The following PRKG1 variants were observed in gnomAD, a reference collection of about 807,000 sequenced individuals.
PRKG1 encodes protein kinase cGMP-dependent 1, also known as cGMP-dependent protein kinase 1.
PRKG1 carries 35 observed loss-of-function variants against 88.1 expected under a neutral mutation model. That is an observed-to-expected ratio of 0.40 (90% CI 0.30 to 0.53). The LOEUF (loss-of-function observed/expected upper bound fraction) is 0.53, where lower values mean the gene tolerates loss of function less well. PRKG1 is among the 20% of genes least tolerant of loss of function. PRKG1 has a pLI of 0.59. For missense variants in PRKG1, 540 were observed against 839.8 expected (o/e 0.64, Z 4.41); for synonymous variants, 303 against 292.5 (o/e 1.04, Z -0.37).
chr10:52,274,657 T>C (rs1841824233), intron 12 of PRKG1, among the ~76,000 whole-genome samples: 1 of 152,042 alleles, frequency 6.6e-6, no homozygotes, highest in African/African-American at 2.4e-5. Context: ...TGAATTGTGC[T>C]TCTATAAACA....
At chr10:51,094,650 A>G (rs1455108255) in intron 1 of PRKG1, among the ~76,000 whole-genome samples, 1 of 152,052 alleles carries the variant, frequency 6.6e-6, no homozygotes, top group Non-Finnish European at 1.5e-5. Context: ...AAAAAAACGT[A>G]TCTACATTTC....
intron 2 of PRKG1, among the ~76,000 whole-genome samples, chr10:51,180,942 G>A (rs908782182): frequency 2.0e-5 from 3 of 152,086 alleles, no homozygotes; most frequent in African/African-American, 7.2e-5. Flanking sequence ...TTAGGGCTCT[G>A]ATCTCTTTGA....
intron 2 of PRKG1, among the ~76,000 whole-genome samples, chr10:51,219,124 T>C (rs1838455235): frequency 6.6e-6 from 1 of 152,220 alleles, no homozygotes; most frequent in African/African-American, 2.4e-5. Context: ...ATGAGTAGTA[T>C]CAGCTGATAA....
chr10:51,330,163 T>A (rs1350872397), intron 2 of PRKG1, among the ~76,000 whole-genome samples: 3 of 149,546 alleles, frequency 2.0e-5, no homozygotes, highest in East Asian at 3.9e-4. Context: ...TTTATTTTTT[T>A]TTTTTGAGAT....
chr10:51,657,621 G>A, intron 3 of PRKG1, among the ~76,000 whole-genome samples: 1 of 152,124 alleles, frequency 6.6e-6, no homozygotes, highest in East Asian at 1.9e-4. Context: ...ATTTAAATAT[G>A]CCTTTCTTTC....
At chr10:51,963,872 C>T (rs1345322372) in intron 5 of PRKG1, among the ~76,000 whole-genome samples, 1 of 152,162 alleles carries the variant, frequency 6.6e-6, no homozygotes, top group Non-Finnish European at 1.5e-5. Context: ...GTCAGTATCA[C>T]TAGATGCTGT....
At chr10:51,648,405 G>A (rs1839964352) in intron 3 of PRKG1, among the ~76,000 whole-genome samples, 1 of 152,102 alleles carries the variant, frequency 6.6e-6, no homozygotes, top group Non-Finnish European at 1.5e-5. Flanking sequence ...TATATTGCCT[G>A]CACTGGTTGA....
rs1221377470 is a variant in PRKG1 at position 51,651,593 on chromosome 10, T to TG, written c.593-152992_593-152991insG. On this transcript the variant is annotated intron_variant, in intron 3 of 17. Transcript: ENST00000373980. The stretch of plus-strand genomic sequence containing the variant: ...AATTTTACAGATCTTACTTTTTTTT[T>TG]TTTTTAATTTAGTCAGAGTTTTGCT... 3.3e-5 allele frequency among the ~76,000 whole-genome samples: 5 copies of TG among 151,902 alleles called. No individual in the cohort carries two copies. The East Asian group carries it at 9.7e-4, about 29-fold the overall frequency.
intron 2 of PRKG1, among the ~76,000 whole-genome samples, chr10:51,180,606 T>C (rs1837317459): frequency 1.3e-5 from 2 of 152,226 alleles, no homozygotes; most frequent in South Asian, 4.1e-4. Flanking sequence ...TAAACAGTGA[T>C]CTAAGCCAAA....
At chr10:51,889,815 T>A (rs1367370893) in intron 4 of PRKG1, among the ~76,000 whole-genome samples, 1 of 152,258 alleles carries the variant, frequency 6.6e-6, no homozygotes, top group Non-Finnish European at 1.5e-5. Context: ...CCAATGATGA[T>A]GAGCATTTTT....
intron 2 of PRKG1, among the ~76,000 whole-genome samples, chr10:51,405,148 C>T (rs1837873761): frequency 6.6e-6 from 1 of 152,168 alleles, no homozygotes; most frequent in South Asian, 2.1e-4. Context: ...TTTTGTGCCA[C>T]TCATCCATCA....
intron 5 of PRKG1, among the ~76,000 whole-genome samples, chr10:51,935,974 A>G (rs545069924): frequency 1.3e-5 from 2 of 152,016 alleles, no homozygotes; most frequent in East Asian, 3.9e-4. Flanking sequence ...CCCTCCTATA[A>G]TCTCTAACTC....
chr10:52,003,235 T>C (rs891972684), intron 5 of PRKG1, among the ~76,000 whole-genome samples: 1 of 152,364 alleles, frequency 6.6e-6, no homozygotes, highest in East Asian at 1.9e-4. Flanking sequence ...TGAATTAACC[T>C]TGTTGAAATA....
chr10:51,218,696 C>T (rs937836148), intron 2 of PRKG1, among the ~76,000 whole-genome samples: 6 of 151,194 alleles, frequency 4.0e-5, no homozygotes, highest in Non-Finnish European at 7.4e-5. Context: ...ATATTTTGTT[C>T]GTGTTAAGTG....
chr10:52,288,792 A>G lies in PRKG1; in HGVS notation c.1776A>G (p.Ile592Met). 6.2e-7 allele frequency: 1 copy of G among 1,607,944 alleles called. No homozygotes were observed. The highest frequency in any genetic ancestry group is 1.1e-5 in the South Asian group (1 of 89,528). ...TCATATTGAGGGGGATTGACATGAT[A>G]GAATTTCCAAAGAAGATTGCCAAAA... is the stretch of plus-strand genomic sequence containing the variant. ...YNIILRGIDM[I>M]EFPKKIAKNA... Residue 592 changes from isoleucine to methionine, a missense_variant, in exon 15 of 18, where the codon ATA becomes ATG. By Grantham distance (10) the Ile-to-Met change is conservative. This residue lies in a region of PRKG1 where 97 missense variants were observed against 210.6 expected (regional missense o/e 0.46). Transcript: ENST00000373980.
chr10:51,528,571 C>CAA (rs11337114), intron 3 of PRKG1, among the ~76,000 whole-genome samples: 1 of 140,766 alleles, frequency 7.1e-6, no homozygotes, highest in Non-Finnish European at 1.5e-5. Flanking sequence ...TTCAGTACAG[C>CAA]AAAAAAAAAA....
rs533080954 is a variant in PRKG1, at chr10:51,079,728, C to G, written c.311+4827C>G. Among the ~76,000 whole-genome samples, 3 of 151,972 alleles carry G rather than the reference C, an allele frequency of 2.0e-5. No individual in the cohort carries two copies. In the South Asian group the frequency reaches 6.3e-4, roughly 32 times the overall value. The stretch of plus-strand genomic sequence containing the variant: ...GTTTTACACCAAGGACTAATAGTTA[C>G]CCACTAATGCAGTTCTGAATGCCAG... On this transcript the variant is annotated intron_variant, in intron 1 of 17. Coordinates refer to ENST00000373980, the MANE Select transcript of PRKG1 (RefSeq NM_006258.4).
chr10:52,019,893 C>A (rs940482280), intron 5 of PRKG1, among the ~76,000 whole-genome samples: 1 of 152,096 alleles, frequency 6.6e-6, no homozygotes, highest in Non-Finnish European at 1.5e-5. Context: ...AGGGGTTGAG[C>A]TTTAAATTCT....
At chr10:51,299,000 C>G (rs1840798762) in intron 2 of PRKG1, among the ~76,000 whole-genome samples, 1 of 152,072 alleles carries the variant, frequency 6.6e-6, no homozygotes, top group African/African-American at 2.4e-5. Context: ...GGTTTGTTGT[C>G]TAAAGTGTAA....
Sources: allele counts gnomAD v4.1 joint callset (sites outside exome capture counted in the v4.1 genomes callset), GRCh38; gene constraint gnomAD v4.1.1; regional missense constraint gnomAD v4.1.1; transcripts MANE v1.5; gene names NCBI Gene and HGNC (gene_info 2026-07-23, HGNC 2026-07-21).